SZRD1: variants seen among roughly 807,000 people sequenced by gnomAD.
SZRD1 encodes SUZ RNA binding domain containing 1, also known as SUZ RNA-binding domain-containing.
In SZRD1, 7 loss-of-function variants were observed where a neutral mutation model predicts 17.6. That is an observed-to-expected ratio of 0.40 (90% confidence interval 0.23 to 0.75). SZRD1 has a LOEUF of 0.75. Among genes scored for constraint, SZRD1 ranks in the 30% least tolerant of loss-of-function variants. The pLI is 0.38. For synonymous variants in SZRD1, 77 were observed against 77.9 expected (o/e 0.99, Z 0.06); for missense variants, 178 against 201.8 (o/e 0.88, Z 0.71).
At chr1:16,382,424 G>C (rs2100723714) in intron 1 of SZRD1, among the ~76,000 whole-genome samples, 1 of 151,946 alleles carries the variant, frequency 6.6e-6, no homozygotes, top group South Asian at 2.1e-4. Context: ...CTGATCTCAG[G>C]TGATCCGCCC....
At chr1:16,375,458 G>C (rs777238231) in intron 1 of SZRD1, among the ~76,000 whole-genome samples, 22 of 152,048 alleles carry the variant, frequency 1.4e-4, no homozygotes, top group Non-Finnish European at 3.2e-4. Context: ...GGGACTACAG[G>C]CTCATGTCAC....
intron 1 of SZRD1, among the ~76,000 whole-genome samples, chr1:16,379,306 A>G (rs933533742): frequency 1.3e-5 from 2 of 150,092 alleles, no homozygotes; most frequent in Non-Finnish European, 3.0e-5. Flanking sequence ...TTTAGTAGAG[A>G]CGGGGTTTTA....
At position 16,393,097 on chromosome 1, in the gene SZRD1, C is replaced by A; in HGVS notation, c.102-131C>A. ...AGGAGTGGAAATTTTGCTGTCTGGT[C>A]AGAGGCCAGAGAATCATGCATGGGT... is the stretch of plus-strand genomic sequence containing the variant. On this transcript the variant is annotated intron_variant, in intron 2 of 3. Transcript: ENST00000401088. This position sits in a 1 kb window ranked among gnomAD's most constrained non-coding sequence, Gnocchi z 5.6. 1 of 1,309,086 alleles carries A rather than the reference C, an allele frequency of 7.6e-7. No homozygotes were observed. Among genetic ancestry groups the A allele is most frequent in the Non-Finnish European group, 1.1e-6 (1 of 937,968 alleles). The allele number at this position is 1,309,086 out of a possible 1,614,324, so 81.1% of individuals were successfully genotyped here. A position where few individuals can be genotyped will look rare whatever the true frequency, so the allele number is the denominator to read the frequency against.
chr1:16,384,799 C>G (rs1430782061), intron 1 of SZRD1, among the ~76,000 whole-genome samples: 1 of 152,066 alleles, frequency 6.6e-6, no homozygotes, highest in African/African-American at 2.4e-5. Context: ...CCTGTGGGAC[C>G]CTGATTCTGG....
Position 16,391,107 on chromosome 1 carries a change from T to A in SZRD1, c.52-268T>A, listed in dbSNP as rs1418648565. Among the ~76,000 whole-genome samples, 1 of 152,114 alleles carries A rather than the reference T, an allele frequency of 6.6e-6. No individual in the cohort carries two copies. The highest frequency in any genetic ancestry group is 6.6e-5 in the Admixed American group (1 of 15,256). ...GGCTCTGTGAAAGACAGATTACAGGTCAGAAAACTGGTTGGAGGCTATGCA... is the reference window on the plus strand; with the variant it reads ...GGCTCTGTGAAAGACAGATTACAGGACAGAAAACTGGTTGGAGGCTATGCA... On this transcript the variant is annotated intron_variant, in intron 1 of 3. Coordinates refer to ENST00000401088, the MANE Select transcript of SZRD1 (RefSeq NM_001114600.3). This position sits in a 1 kb window ranked among gnomAD's most constrained non-coding sequence, Gnocchi z 4.3.
At chr1:16,369,364 A>G (rs1286896593) in intron 1 of SZRD1, 3 of 915,844 alleles carry the variant, frequency 3.3e-6, no homozygotes, top group Non-Finnish European at 5.3e-6. Flanking sequence ...CCCTCCACCA[A>G]GGTTCTCAGC....
At chr1:16,382,975 C>T (rs1173451995) in intron 1 of SZRD1, among the ~76,000 whole-genome samples, 7 of 151,922 alleles carry the variant, frequency 4.6e-5, no homozygotes, top group Admixed American at 4.6e-4. Context: ...TAGCGATTCT[C>T]CTGCCTCAGC....
intron 1 of SZRD1, among the ~76,000 whole-genome samples, chr1:16,375,121 C>T (rs1050753279): frequency 6.6e-6 from 1 of 152,142 alleles, no homozygotes; most frequent in African/African-American, 2.4e-5. Context: ...CGTGATCCGC[C>T]CGCCTCGGCC....
At chr1:16,374,107 C>T (rs2082957795) in intron 1 of SZRD1, among the ~76,000 whole-genome samples, 1 of 152,160 alleles carries the variant, frequency 6.6e-6, no homozygotes, top group African/African-American at 2.4e-5. Context: ...TAGTTTGGGG[C>T]TATCTGGTGC....
intron 1 of SZRD1, among the ~76,000 whole-genome samples, chr1:16,372,189 T>C (rs1202296423): frequency 6.6e-6 from 1 of 151,886 alleles, no homozygotes; most frequent in African/African-American, 2.4e-5. Context: ...ATCAATAAAA[T>C]ATGCCAGGCG....
Position 16,391,303 on chromosome 1 carries a change from T to A in SZRD1, c.52-72T>A. On this transcript the variant is annotated intron_variant, in intron 1 of 3. Transcript: ENST00000401088. This position sits in a 1 kb window ranked among gnomAD's most constrained non-coding sequence, Gnocchi z 4.3. Reference sequence around the variant, plus strand: ...CTAGAGAAAGGACACTGCCCTTAGCTCCAAAAATAAAGACTAAGTTTTTAT... The same window carrying A: ...CTAGAGAAAGGACACTGCCCTTAGCACCAAAAATAAAGACTAAGTTTTTAT... 5.1e-6 allele frequency: 6 copies of A among 1,165,546 alleles called. No homozygotes were observed. In the South Asian group the frequency reaches 8.1e-5, roughly 16 times the overall value. The allele number at this position is 1,165,546 out of a possible 1,614,324, so 72.2% of individuals were successfully genotyped here.
At chr1:16,377,990 C>T (rs1344818589) in intron 1 of SZRD1, among the ~76,000 whole-genome samples, 6 of 152,022 alleles carry the variant, frequency 3.9e-5, no homozygotes, top group African/African-American at 1.2e-4. Flanking sequence ...TAGTGTTGTA[C>T]GAAAATCAAC....
intron 1 of SZRD1, chr1:16,369,528 C>CA: frequency 2.5e-6 from 2 of 794,280 alleles, no homozygotes; most frequent in East Asian, 4.9e-5. Flanking sequence ...TCACAGAAGC[C>CA]ATGGCAGCAG....
rs143280718 is a variant in SZRD1 at position 16,381,923 on chromosome 1, G to A, written c.52-9452G>A. On this transcript the variant is annotated intron_variant, in intron 1 of 3. Transcript: ENST00000401088. ...CTGGGCGACAGAGCAAGACTCCATT[G>A]CAAAACAAAACCAAAAAGAAAGAAG... Among the ~76,000 whole-genome samples, 590 of 152,154 alleles carry A rather than the reference G, an allele frequency of 3.9e-3. 1 individual carries two copies. The highest frequency in any genetic ancestry group is 0.014 in the Middle Eastern group (4 of 292).
Position 16,395,043 on chromosome 1 carries a change from C to T in SZRD1, c.362C>T (p.Thr121Ile), listed in dbSNP as rs1184051866. 6.2e-7 allele frequency: 1 copy of T among 1,607,678 alleles called. No homozygotes were observed. The highest frequency in any genetic ancestry group is 1.3e-5 in the African/African-American group (1 of 74,908). Residue 121 changes from threonine to isoleucine, a missense_variant, in exon 4 of 4, where the codon ACC (threonine) becomes ATC (isoleucine). By Grantham distance (89) the Thr-to-Ile change is moderately conservative (BLOSUM62 -1). Around this residue, in one of 3 missense-constraint regions of SZRD1, gnomAD observed 57 missense variants for 71.9 expected, o/e 0.79. Coordinates refer to ENST00000401088, the MANE Select transcript of SZRD1 (RefSeq NM_001114600.3). Reference protein sequence around the residue: ...EQEKPILDRPTRISQPEDSRQ... With the variant: ...EQEKPILDRPIRISQPEDSRQ... ...TCTGCTTTTCTTCCTTTCAGGCCAA[C>T]CAGGATCTCCCAACCCGAAGACAGC... is the stretch of plus-strand genomic sequence containing the variant.
intron 1 of SZRD1, chr1:16,369,606 C>G: frequency 1.7e-6 from 1 of 600,384 alleles, no homozygotes; most frequent in Non-Finnish European, 3.0e-6. Flanking sequence ...AAATGTACCG[C>G]GGCCAGGTGC....
Position 16,391,756 on chromosome 1 carries a change from C to G in SZRD1, c.101+332C>G, listed in dbSNP as rs554294784. On this transcript the variant is annotated intron_variant, in intron 2 of 3. Transcript: ENST00000401088. The surrounding 1 kb of genome is among the most constrained non-coding windows in gnomAD (Gnocchi z 4.3). ...GTCTGGGGCAAGTCATTTCCCAGAT[C>G]TGGACATCAGTTTCTTTCTCTGTGG... Among the ~76,000 whole-genome samples the G allele has an allele frequency of 2.0e-3, 308 of 152,212 alleles. No homozygotes were observed. Among genetic ancestry groups the G allele is most frequent in the Non-Finnish European group, 3.7e-3 (250 of 68,010 alleles).
At chr1:16,385,354 T>G (rs2083171469) in intron 1 of SZRD1, among the ~76,000 whole-genome samples, 1 of 152,148 alleles carries the variant, frequency 6.6e-6, no homozygotes, top group African/African-American at 2.4e-5. Flanking sequence ...GGTGTGAGTT[T>G]GTTCACTTTG....
chr1:16,384,276 C>T (rs932162390), intron 1 of SZRD1, among the ~76,000 whole-genome samples: 2 of 151,236 alleles, frequency 1.3e-5, no homozygotes, highest in African/African-American at 2.4e-5. Context: ...CACAGTGGCT[C>T]ACACATAATC....
Sources: gnomAD v4.1 joint callset for allele counts (sites outside exome capture counted in the v4.1 genomes callset) on GRCh38, gnomAD v4.1.1 for gene constraint, gnomAD v4.1.1 regional missense constraint, Gnocchi (gnomAD v3.1) non-coding constraint, MANE v1.5 for transcripts, NCBI Gene and HGNC (gene_info 2026-07-23, HGNC 2026-07-21) for gene names.